RAP1GAP: variants seen among roughly 807,000 people sequenced by gnomAD.
The protein encoded by RAP1GAP is rap1 GTPase-activating protein 1.
RAP1GAP carries 35 observed loss-of-function variants against 87.2 expected under a neutral mutation model. That is an observed-to-expected ratio of 0.40 (90% confidence interval 0.31 to 0.53). The LOEUF (loss-of-function observed/expected upper bound fraction) is 0.53, where lower values mean the gene tolerates loss of function less well. Among genes scored for constraint, RAP1GAP ranks in the 20% least tolerant of loss-of-function variants. RAP1GAP has a pLI of 0.48. For synonymous variants in RAP1GAP, 375 were observed against 363.9 expected, an observed-to-expected ratio of 1.03 and a Z score of -0.35; for missense variants, 734 against 898.9, an observed-to-expected ratio of 0.82 and a Z score of 2.35.
chr1:21,660,349 T>TATATATATATATATA (rs1257256841), intron 1 of RAP1GAP, among the ~76,000 whole-genome samples: 5 of 64,320 alleles, frequency 7.8e-5, no homozygotes, highest in Admixed American at 2.1e-4. Flanking sequence ...CTATATATAT[T>TATATATATATATATA]TATTGAGACA....
rs1231808133 is a variant in RAP1GAP, at chr1:21,613,564, T to G, written c.474+64A>C. Reference sequence around the variant, plus strand: ...CTGAAGGGGACGCGCCAAGGCAAGCTGAAGCCCCACAGGTGCCCATCTGCG... The same window carrying G: ...CTGAAGGGGACGCGCCAAGGCAAGCGGAAGCCCCACAGGTGCCCATCTGCG... On this transcript the variant is annotated intron_variant, in intron 9 of 24. Coordinates refer to ENST00000374765, the MANE Select transcript of RAP1GAP (RefSeq NM_002885.4). This position sits in a 1 kb window ranked among gnomAD's most constrained non-coding sequence, Gnocchi z 4.7. The G allele has an allele frequency of 2.7e-6, 4 of 1,463,682 alleles. No individual in the cohort carries two copies. In the East Asian group the frequency reaches 6.8e-5, roughly 25 times the overall value. The allele number at this position is 1,463,682 out of a possible 1,614,324, so 90.7% of individuals were successfully genotyped here.
chr1:21,626,507 G>A, intron 2 of RAP1GAP, 110 bp from the exon 3 acceptor site: 1 of 874,730 alleles, frequency 1.1e-6, no homozygotes, highest in Non-Finnish European at 1.9e-6. Flanking sequence ...AGACTTCACG[G>A]AGGAGAGGGT....
In RAP1GAP at chr1:21,619,059, T is replaced by A; in HGVS notation, c.32A>T (p.Asp11Val). 2 of 1,601,110 alleles carry A rather than the reference T, an allele frequency of 1.2e-6. No homozygotes were observed. Among genetic ancestry groups the A allele is most frequent in the African/African-American group, 2.7e-5 (2 of 74,850 alleles). The change falls in exon 5 of 25, where the codon GAT (aspartate) becomes GTT (valine). Residue 11 changes from aspartate (D) to valine (V), a missense_variant. Physicochemically the swap from Asp to Val is radical, Grantham distance 152 (BLOSUM62 -3). Coordinates refer to ENST00000374765, the MANE Select transcript of RAP1GAP (RefSeq NM_002885.4). MIEKMQGSRM[D>V]EQRCSFPPPL... Reference sequence around the variant, plus strand: ...CGGCGGGAAGGAGCAGCGTTGTTCATCCATCCTGCTTCCCTGTAAGAGAAG... The same window carrying A: ...CGGCGGGAAGGAGCAGCGTTGTTCAACCATCCTGCTTCCCTGTAAGAGAAG...
rs75510165 is a variant in RAP1GAP, at chr1:21,598,818, A to G, written c.1777-316T>C. ...GAGCCTGATATCTGGGAGGCAAGGCAGGCTGTGAAGAGACCATTGCAATTC... is the reference window on the plus strand; with the variant it reads ...GAGCCTGATATCTGGGAGGCAAGGCGGGCTGTGAAGAGACCATTGCAATTC... On this transcript the variant is annotated intron_variant, in intron 21 of 24. Coordinates refer to ENST00000374765, the MANE Select transcript of RAP1GAP (RefSeq NM_002885.4). 3.7e-3 allele frequency among the ~76,000 whole-genome samples: 566 copies of G among 152,406 alleles called. 3 individuals carry two copies. Among genetic ancestry groups the G allele is most frequent in the Non-Finnish European group, 6.2e-3 (422 of 68,046 alleles).
At chr1:21,633,158 C>T (rs889247063) in intron 2 of RAP1GAP, among the ~76,000 whole-genome samples, 3 of 152,206 alleles carry the variant, frequency 2.0e-5, no homozygotes. Flanking sequence ...CTTTTCAGGG[C>T]ACCAGAAGTG....
At chr1:21,608,962 T>TA (rs759232968) in intron 15 of RAP1GAP, 26 bp from the exon 16 acceptor site, 1 of 1,583,458 alleles carries the variant, frequency 6.3e-7, no homozygotes, top group East Asian at 2.2e-5. Flanking sequence ...GTGGAGGAGA[T>TA]AAGGAAGGGA....
intron 2 of RAP1GAP, among the ~76,000 whole-genome samples, chr1:21,632,270 C>G (rs2093909299): frequency 6.6e-6 from 1 of 152,208 alleles, no homozygotes; most frequent in African/African-American, 2.4e-5. Flanking sequence ...GCTGACAGCT[C>G]CCCGGTTTCT....
chr1:21,608,206 C>T lies in RAP1GAP; in HGVS notation c.1296+7G>A, dbSNP rs2076060833. On this transcript the variant is annotated splice_region_variant and intron_variant, in intron 17 of 24. Transcript: ENST00000374765. The stretch of plus-strand genomic sequence containing the variant: ...CTCCCCGGCCAGTTAGACCTGGGGC[C>T]CTTCACCTTGAAAGACTCAAAGAAG... The T allele has an allele frequency of 1.2e-6, 2 of 1,613,812 alleles. No individual in the cohort carries two copies. Among genetic ancestry groups the T allele is most frequent in the East Asian group, 4.5e-5 (2 of 44,868 alleles).
intron 3 of RAP1GAP, among the ~76,000 whole-genome samples, chr1:21,624,001 A>G (rs2090516500): frequency 6.6e-6 from 1 of 152,196 alleles, no homozygotes; most frequent in Non-Finnish European, 1.5e-5. Context: ...ATGCCTTGGT[A>G]TGGGAATTTG....
chr1:21,651,788 G>GC (rs1237528356), intron 1 of RAP1GAP: 18 of 1,398,960 alleles, frequency 1.3e-5, no homozygotes, highest in Admixed American at 2.9e-5. Context: ...CCCGCCGTAG[G>GC]CCCCGAAGGT....
intron 1 of RAP1GAP, among the ~76,000 whole-genome samples, chr1:21,660,347 ATT>A (rs1491252249): frequency 4.5e-5 from 5 of 112,144 alleles, no homozygotes; most frequent in Admixed American, 3.0e-4. Flanking sequence ...AGCTATATAT[ATT>A]TATTGAGACA....
chr1:21,669,337 C>G lies in RAP1GAP; in HGVS notation c.-232G>C. The G allele has an allele frequency of 9.3e-7, 1 of 1,075,984 alleles. No individual in the cohort carries two copies. The highest frequency in any genetic ancestry group is 1.1e-6 in the Non-Finnish European group (1 of 883,982). The allele number at this position is 1,075,984 out of a possible 1,614,324, so 66.7% of individuals were successfully genotyped here. Reference sequence around the variant, plus strand: ...TGCAGCTCTGCTCAGATGCGGCCGGCGCTCGCCGCCGCCGCAGTTCGGGGA... The same window carrying G: ...TGCAGCTCTGCTCAGATGCGGCCGGGGCTCGCCGCCGCCGCAGTTCGGGGA... On this transcript the variant is annotated 5_prime_UTR_variant, in exon 1 of 25. Coordinates refer to ENST00000374765, the MANE Select transcript of RAP1GAP (RefSeq NM_002885.4). The surrounding 1 kb of genome is among the most constrained non-coding windows in gnomAD (Gnocchi z 5.6).
At chr1:21,620,687 C>T (rs889604075) in intron 3 of RAP1GAP, among the ~76,000 whole-genome samples, 16 of 152,178 alleles carry the variant, frequency 1.1e-4, no homozygotes, top group African/African-American at 3.6e-4. Flanking sequence ...CCCTGCGAGC[C>T]TTCCTGGAAG....
chr1:21,602,094 C>T (rs144330924), intron 19 of RAP1GAP, among the ~76,000 whole-genome samples: 4 of 152,322 alleles, frequency 2.6e-5, no homozygotes, highest in East Asian at 1.9e-4. Flanking sequence ...ACAGCTAGGA[C>T]GTGGCAGTGC....
At chr1:21,619,732 G>A (rs982701249) in intron 4 of RAP1GAP, among the ~76,000 whole-genome samples, 7 of 152,030 alleles carry the variant, frequency 4.6e-5, no homozygotes, top group Non-Finnish European at 2.9e-5. Context: ...GTGAGAGGCA[G>A]TGTATGTCTG....
At chr1:21,642,550 A>G (rs905414310) in intron 2 of RAP1GAP, among the ~76,000 whole-genome samples, 1 of 152,066 alleles carries the variant, frequency 6.6e-6, no homozygotes, top group African/African-American at 2.4e-5. Context: ...CTGCACTAAG[A>G]GCACAGTCAG....
chr1:21,667,101 C>G (rs1043115589), intron 1 of RAP1GAP, among the ~76,000 whole-genome samples: 1 of 151,878 alleles, frequency 6.6e-6, no homozygotes, highest in Admixed American at 6.6e-5. Flanking sequence ...GTTGTTTGCA[C>G]AGCACATGCG....
intron 3 of RAP1GAP, among the ~76,000 whole-genome samples, chr1:21,624,234 G>T (rs1241315157): frequency 6.6e-6 from 1 of 152,294 alleles, no homozygotes; most frequent in East Asian, 1.9e-4. Flanking sequence ...CAAATGTGGG[G>T]CCTGAAGGGA....
At chr1:21,633,313 C>T (rs565856025) in intron 2 of RAP1GAP, among the ~76,000 whole-genome samples, 38 of 152,310 alleles carry the variant, frequency 2.5e-4, no homozygotes, top group Middle Eastern at 3.4e-3. Flanking sequence ...CTGCCCCAGC[C>T]GCCTGTCCTG....
Sources: allele counts gnomAD v4.1 joint callset (sites outside exome capture counted in the v4.1 genomes callset), GRCh38; gene constraint gnomAD v4.1.1; non-coding constraint Gnocchi (gnomAD v3.1); transcripts MANE v1.5; gene names NCBI Gene and HGNC (gene_info 2026-07-23, HGNC 2026-07-21).